Variants in DLGAP1 observed in about 807,000 individuals in gnomAD.
The protein encoded by DLGAP1 is DLG associated protein 1.
DLGAP1 carries 11 observed loss-of-function variants against 90.8 expected under a neutral mutation model. The observed-to-expected ratio is 0.12, with a 90% CI of 0.08 to 0.20. The LOEUF is 0.20. DLGAP1 is among the 10% of genes least tolerant of loss of function. The pLI is 1.00. For synonymous variants in DLGAP1, 558 were observed against 540.7 expected, an observed-to-expected ratio of 1.03 and a Z score of -0.44; for missense variants, 1,050 against 1,333.8, an observed-to-expected ratio of 0.79 and a Z score of 3.31.
At chr18:3,770,436 T>C (rs552557884) in intron 5 of DLGAP1, among the ~76,000 whole-genome samples, 2 of 152,254 alleles carry the variant, frequency 1.3e-5, no homozygotes, top group Middle Eastern at 3.4e-3. Flanking sequence ...AATAGTCACC[T>C]TGATGCCATA....
intron 7 of DLGAP1, among the ~76,000 whole-genome samples, chr18:3,636,763 T>C (rs1370165458): frequency 7.3e-6 from 1 of 136,134 alleles, no homozygotes; most frequent in East Asian, 2.5e-4. Context: ...TCTTGCTCTC[T>C]TGACAGGCTG....
chr18:4,385,308 C>T (rs1021529031), intron 1 of DLGAP1, among the ~76,000 whole-genome samples: 3 of 152,088 alleles, frequency 2.0e-5, no homozygotes, highest in Non-Finnish European at 2.9e-5. Context: ...GAAACTTGTT[C>T]GATAATTATT....
intron 1 of DLGAP1, among the ~76,000 whole-genome samples, chr18:4,372,943 G>C (rs78611847): frequency 0.052 from 7,868 of 151,136 alleles, 520 homozygotes; most frequent in African/African-American, 0.16. Context: ...AAAAAGAAAA[G>C]AAAAAAAGAA....
At chr18:3,661,442 C>A (rs2146600665) in intron 7 of DLGAP1, among the ~76,000 whole-genome samples, 1 of 152,318 alleles carries the variant, frequency 6.6e-6, no homozygotes. Flanking sequence ...GGACCACTCC[C>A]TCCGGGAAGC....
chr18:4,355,688 C>T (rs981559490), intron 1 of DLGAP1, among the ~76,000 whole-genome samples: 2 of 148,304 alleles, frequency 1.3e-5, no homozygotes, highest in Admixed American at 6.7e-5. Context: ...ACTATAGTTA[C>T]ACAAGTTATC....
At chr18:3,791,417 G>T (rs2065727247) in intron 5 of DLGAP1, among the ~76,000 whole-genome samples, 1 of 152,122 alleles carries the variant, frequency 6.6e-6, no homozygotes, top group Non-Finnish European at 1.5e-5. Context: ...TGGCTTATAA[G>T]AACAATGGAT....
chr18:3,705,612 C>T (rs1026462584), intron 7 of DLGAP1, among the ~76,000 whole-genome samples: 2 of 151,112 alleles, frequency 1.3e-5, no homozygotes, highest in African/African-American at 4.9e-5. Context: ...GTCATTTTAA[C>T]TAAGGTGACC....
At chr18:3,664,393 A>C (rs570886336) in intron 7 of DLGAP1, among the ~76,000 whole-genome samples, 2 of 152,324 alleles carry the variant, frequency 1.3e-5, no homozygotes, top group South Asian at 4.1e-4. Context: ...ACATTGGGGT[A>C]ATAAGGTATG....
At chr18:3,839,133 A>G (rs7243263) in intron 4 of DLGAP1, among the ~76,000 whole-genome samples, 18,770 of 152,166 alleles carry the variant, frequency 0.12, 1,260 homozygotes, top group African/African-American at 0.14. Context: ...TTAGACACTG[A>G]TCCTGGGATT....
At position 4,084,960 on chromosome 18, in the gene DLGAP1, C is replaced by T. The variant is rs2075661000; in HGVS notation, c.-159+66220G>A. On this transcript the variant is annotated intron_variant, in intron 2 of 12. Transcript: ENST00000315677. The surrounding 1 kb of genome is among the most constrained non-coding windows in gnomAD (Gnocchi z 4.0). ...AGAGCATGCTGCAAGGAGCAGGCATCGTCCAGGATGGTTAATGGGGAAGAC... is the reference window on the plus strand; with the variant it reads ...AGAGCATGCTGCAAGGAGCAGGCATTGTCCAGGATGGTTAATGGGGAAGAC... Among the ~76,000 whole-genome samples the T allele has an allele frequency of 1.3e-5, 2 of 151,212 alleles. No individual in the cohort carries two copies.
At chr18:3,614,785 G>A (rs1400349211) in intron 7 of DLGAP1, among the ~76,000 whole-genome samples, 1 of 147,772 alleles carries the variant, frequency 6.8e-6, no homozygotes, top group East Asian at 2.0e-4. Flanking sequence ...GGAGGCAGAT[G>A]TTGCCGTAAG....
intron 2 of DLGAP1, among the ~76,000 whole-genome samples, chr18:4,088,215 T>C (rs1331873897): frequency 6.6e-6 from 1 of 152,162 alleles, no homozygotes; most frequent in African/African-American, 2.4e-5. Flanking sequence ...AATAATTTTA[T>C]TCTGCTTTAT....
chr18:3,515,081 G>C (rs1421779185), intron 10 of DLGAP1, among the ~76,000 whole-genome samples: 2 of 152,136 alleles, frequency 1.3e-5, no homozygotes, highest in Non-Finnish European at 2.9e-5. Context: ...AATGAAGTTT[G>C]CCACATCAAT....
chr18:3,977,978 T>A (rs1360572772), intron 3 of DLGAP1: 2 of 361,850 alleles, frequency 5.5e-6, no homozygotes, highest in Non-Finnish European at 1.1e-5. Context: ...CAGGATGACT[T>A]TGCCTACAGC....
intron 3 of DLGAP1, chr18:3,978,110 G>T: frequency 2.3e-6 from 1 of 440,974 alleles, no homozygotes; most frequent in South Asian, 1.7e-5. Flanking sequence ...CCATGGCCAT[G>T]AGTCCTTCCA....
intron 2 of DLGAP1, among the ~76,000 whole-genome samples, chr18:4,119,871 T>C (rs1410235968): frequency 6.6e-6 from 1 of 152,222 alleles, no homozygotes; most frequent in Admixed American, 6.5e-5. Context: ...TTTGGATACA[T>C]AAATATTCTC....
chr18:4,063,184 G>A (rs930432068), intron 2 of DLGAP1, among the ~76,000 whole-genome samples: 10 of 151,964 alleles, frequency 6.6e-5, no homozygotes, highest in East Asian at 1.9e-4. Flanking sequence ...AATGAGAGGC[G>A]ATAAATGGCT....
At chr18:4,116,086 C>T (rs928390353) in intron 2 of DLGAP1, among the ~76,000 whole-genome samples, 5 of 152,266 alleles carry the variant, frequency 3.3e-5, no homozygotes, top group African/African-American at 1.2e-4. Flanking sequence ...GGTTAACAAA[C>T]AGCATTTGTG....
intron 7 of DLGAP1, among the ~76,000 whole-genome samples, chr18:3,628,711 T>G (rs1244990904): frequency 6.6e-6 from 1 of 152,226 alleles, no homozygotes; most frequent in Non-Finnish European, 1.5e-5. Context: ...TGCCTGGTTT[T>G]GAACTTTAAA....
Sources: allele counts gnomAD v4.1 joint callset (sites outside exome capture counted in the v4.1 genomes callset), GRCh38; gene constraint gnomAD v4.1.1; non-coding constraint Gnocchi (gnomAD v3.1); transcripts MANE v1.5; gene names NCBI Gene and HGNC (gene_info 2026-07-23, HGNC 2026-07-21).